The following KAZN variants were observed in gnomAD, a reference collection of about 807,000 sequenced individuals.
The protein encoded by KAZN is kazrin.
In KAZN, 40 loss-of-function variants were observed where a neutral mutation model predicts 87.4. That is an observed-to-expected ratio of 0.46 (90% CI 0.36 to 0.60). KAZN has a LOEUF of 0.60. KAZN is among the 20% of genes least tolerant of loss of function. KAZN has a pLI of 0.00. For missense variants in KAZN, 898 were observed against 1,073.9 expected, an observed-to-expected ratio of 0.84 and a Z score of 2.29; for synonymous variants, 466 against 458.3, an observed-to-expected ratio of 1.02 and a Z score of -0.22.
rs530612059 is a variant in KAZN at position 14,030,347 on chromosome 1, G to A, written c.91+136591G>A. 6.7e-5 allele frequency among the ~76,000 whole-genome samples: 10 copies of A among 148,822 alleles called. No homozygotes were observed. The South Asian group carries it at 1.3e-3, about 19-fold the overall frequency. On this transcript the variant is annotated intron_variant, in intron 1 of 16. Coordinates refer to the KAZN transcript ENST00000636203. ...TCGCAAGAACAAAAAACCAAACACC[G>A]CATATTCTCACTCATAGGTGGGAAT...
chr1:15,103,202 G>A (rs1288893317), intron 11 of KAZN, among the ~76,000 whole-genome samples, 157 bp from the exon 12 acceptor site: 1 of 152,168 alleles, frequency 6.6e-6, no homozygotes, highest in African/African-American at 2.4e-5. Context: ...GGGAGGCGGA[G>A]GTTGCAGTGA....
At chr1:15,100,446 C>A (rs937245092) in intron 10 of KAZN, among the ~76,000 whole-genome samples, 1 of 152,190 alleles carries the variant, frequency 6.6e-6, no homozygotes, top group African/African-American at 2.4e-5. Context: ...CCCCCTGCAC[C>A]TCCCACTTAG....
At chr1:14,198,541 G>A (rs912687549) in intron 2 of KAZN, among the ~76,000 whole-genome samples, 32 of 152,228 alleles carry the variant, frequency 2.1e-4, no homozygotes, top group African/African-American at 6.3e-4. Context: ...TGGAGATTGC[G>A]GTGAGCTGAG....
chr1:15,062,321 C>T (rs1638863708), intron 6 of KAZN: 2 of 152,690 alleles, frequency 1.3e-5, no homozygotes, highest in African/African-American at 4.8e-5. Flanking sequence ...TGTTCCTATC[C>T]AGAGTGGAAC....
intron 1 of KAZN, among the ~76,000 whole-genome samples, chr1:14,920,787 T>G (rs1658422191): frequency 6.6e-6 from 1 of 152,082 alleles, no homozygotes; most frequent in African/African-American, 2.4e-5. Context: ...AGGGATCTCC[T>G]CTAAACCCCC....
At chr1:14,870,210 C>G (rs1651986992) in intron 1 of KAZN, among the ~76,000 whole-genome samples, 1 of 152,158 alleles carries the variant, frequency 6.6e-6, no homozygotes, top group Non-Finnish European at 1.5e-5. Context: ...CCCTTCTACT[C>G]AAAACCAAAA....
intron 1 of KAZN, among the ~76,000 whole-genome samples, chr1:13,900,106 C>T (rs996016430): frequency 2.0e-5 from 3 of 152,226 alleles, no homozygotes; most frequent in Admixed American, 6.5e-5. Flanking sequence ...AGCAAAATTG[C>T]GGTTATGTTC....
chr1:14,717,756 G>A lies in KAZN; in HGVS notation c.226+118533G>A, dbSNP rs74061318. Among the ~76,000 whole-genome samples, 1,430 of 152,318 alleles carry A rather than the reference G, an allele frequency of 9.4e-3. 27 individuals carry two copies. Among genetic ancestry groups the A allele is most frequent in the African/African-American group, 0.033 (1,366 of 41,564 alleles). ...GCTGACACCCCTGTGGGGCTGACAT[G>A]GAAGGGGAAACTGAGGCCCAAGAGG... is the stretch of plus-strand genomic sequence containing the variant. On this transcript the variant is annotated intron_variant, in intron 1 of 14. Transcript: ENST00000376030.
chr1:14,604,805 C>T (rs1677235694), intron 1 of KAZN, among the ~76,000 whole-genome samples: 1 of 152,186 alleles, frequency 6.6e-6, no homozygotes. Context: ...AGCACAGGAG[C>T]TCAGATGGAG....
intron 2 of KAZN, among the ~76,000 whole-genome samples, chr1:14,399,392 CAT>C (rs1287771226): frequency 6.6e-6 from 1 of 152,108 alleles, no homozygotes; most frequent in East Asian, 1.9e-4. Flanking sequence ...TTACCAACTA[CAT>C]GTCTTAGGTA....
chr1:15,007,056 CAAAAAAAA>C lies in KAZN; in HGVS notation c.419-27679_419-27672del, dbSNP rs35245453. On this transcript the variant is annotated intron_variant, in intron 2 of 14. Coordinates refer to ENST00000376030, the MANE Select transcript of KAZN (RefSeq NM_201628.3). ...TGGGTGACAGAGCAAGACTCCGTCT[CAAAAAAAA>C]AAAAAAAAAAAAAGAAAAACAGAAA... Among the ~76,000 whole-genome samples, 122 of 67,900 alleles carry C rather than the reference CAAAAAAAA, an allele frequency of 1.8e-3. 1 individual carries two copies. Among genetic ancestry groups the C allele is most frequent in the African/African-American group, 7.0e-3 (119 of 17,116 alleles). The allele number at this position is 67,900 out of a possible 152,430, so 44.5% of individuals were successfully genotyped here.
At position 14,337,101 on chromosome 1, in the gene KAZN, T is replaced by C. The variant is rs1219396147; in HGVS notation, c.249+156509T>C. Among the ~76,000 whole-genome samples, 5 of 152,328 alleles carry C rather than the reference T, an allele frequency of 3.3e-5. No individual in the cohort carries two copies. The East Asian group carries it at 5.8e-4, about 18-fold the overall frequency. ...CACTGCAATTAGCAGCTTCACTGGTTGTTAGACAATTTAAATGAGATGACG... is the reference window on the plus strand; with the variant it reads ...CACTGCAATTAGCAGCTTCACTGGTCGTTAGACAATTTAAATGAGATGACG... On this transcript the variant is annotated intron_variant, in intron 2 of 16. Coordinates refer to the KAZN transcript ENST00000636203.
chr1:14,734,212 T>C (rs1369906284), intron 1 of KAZN, among the ~76,000 whole-genome samples: 1 of 151,956 alleles, frequency 6.6e-6, no homozygotes, highest in Non-Finnish European at 1.5e-5. Context: ...AACTGTACAG[T>C]GCGCCTGAAG....
intron 2 of KAZN, among the ~76,000 whole-genome samples, chr1:14,364,505 TAG>T (rs1032839269): frequency 2.4e-4 from 37 of 152,274 alleles, no homozygotes; most frequent in African/African-American, 7.5e-4. Context: ...GCTGGCCTAA[TAG>T]AGTTATTTAG....
intron 2 of KAZN, among the ~76,000 whole-genome samples, chr1:14,591,321 GGTT>G (rs2148580810): frequency 6.6e-6 from 1 of 151,932 alleles, no homozygotes; most frequent in South Asian, 2.1e-4. Flanking sequence ...GCTTGGCTGT[GGTT>G]GTTTTTCCCT....
chr1:14,795,375 T>G (rs1043500352), intron 1 of KAZN, among the ~76,000 whole-genome samples: 6 of 152,076 alleles, frequency 3.9e-5, no homozygotes, highest in Admixed American at 3.3e-4. Flanking sequence ...GAAATGAGCA[T>G]ACGCCTAGAT....
At chr1:15,088,440 A>G (rs1423153537) in intron 8 of KAZN, among the ~76,000 whole-genome samples, 1 of 152,126 alleles carries the variant, frequency 6.6e-6, no homozygotes, top group African/African-American at 2.4e-5. Context: ...CTCTCGTTCC[A>G]AAGTCCACAG....
chr1:14,984,750 A>G (rs998190963), intron 2 of KAZN, among the ~76,000 whole-genome samples: 1 of 152,218 alleles, frequency 6.6e-6, no homozygotes, highest in East Asian at 1.9e-4. Flanking sequence ...GCAAGAATGC[A>G]TTCAAAGACA....
chr1:14,341,581 G>A (rs144601646), intron 2 of KAZN, among the ~76,000 whole-genome samples: 193 of 152,302 alleles, frequency 1.3e-3, no homozygotes, highest in African/African-American at 4.5e-3. Flanking sequence ...ACTTGGCACA[G>A]ACTGCTCTCT....
Sources: allele counts gnomAD v4.1 joint callset (sites outside exome capture counted in the v4.1 genomes callset), GRCh38; gene constraint gnomAD v4.1.1; transcripts MANE v1.5; gene names NCBI Gene and HGNC (gene_info 2026-07-23, HGNC 2026-07-21).